Variants in PKDREJ observed in about 807,000 individuals in gnomAD.
PKDREJ encodes the protein polycystin family receptor for egg jelly.
For synonymous variants in PKDREJ, 1,031 were observed against 1,095.5 expected (o/e 0.94, Z 1.16); for missense variants, 2,507 against 2,807.2 (o/e 0.89, Z 2.42).
In PKDREJ at chr22:46,262,754, C is replaced by T. The variant is rs534595985; in HGVS notation, c.569G>A (p.Arg190His). Residue 190 changes from arginine to histidine, a missense_variant, in exon 1 of 1, where the codon CGC becomes CAC. By Grantham distance (29) the Arg-to-His change is conservative (BLOSUM62 0). Transcript: ENST00000253255. The surrounding 1 kb of genome is among the most constrained non-coding windows in gnomAD (Gnocchi z 8.1). ...RTECPTDGPA[R>H]VMLQAVNSSS... is the part of the protein sequence containing the mutation. Reference sequence around the variant, plus strand: ...CGAGTTGACGGCCTGCAACATCACGCGCGCGGGGCCGTCTGTGGGGCACTC... The same window carrying T: ...CGAGTTGACGGCCTGCAACATCACGTGCGCGGGGCCGTCTGTGGGGCACTC... 6.3e-7 allele frequency: 1 copy of T among 1,590,554 alleles called. No homozygotes were observed. The highest frequency in any genetic ancestry group is 2.3e-5 in the East Asian group (1 of 43,076).
At position 46,259,023 on chromosome 22, in the gene PKDREJ, C is replaced by CAATT; in HGVS notation, c.4299_4300insAATT (p.Val1434AsnfsTer43). On this transcript the variant is annotated frameshift_variant, in exon 1 of 1. Coordinates refer to ENST00000253255, the MANE Select transcript of PKDREJ (RefSeq NM_006071.2). LOFTEE classifies it low-confidence loss of function (END_TRUNC). This position sits in a 1 kb window ranked among gnomAD's most constrained non-coding sequence, Gnocchi z 6.8. ...AATTGCACAGGGATTGTAATTAAGA[C>CAATT]ACTTTCAATTCCTATCATCATTGAT... 6.2e-7 allele frequency: 1 copy of CAATT among 1,613,978 alleles called. No homozygotes were observed. The highest frequency in any genetic ancestry group is 1.7e-5 in the Admixed American group (1 of 60,018).
At position 46,260,164 on chromosome 22, in the gene PKDREJ, G is replaced by A. The variant is rs1250065942; in HGVS notation, c.3159C>T (p.Ala1053=). Reference sequence around the variant, plus strand: ...GGGACACAGGGAGGCAGACTACACGGGCCTTCTTCACTGTGCAGGCTGGGT... The same window carrying A: ...GGGACACAGGGAGGCAGACTACACGAGCCTTCTTCACTGTGCAGGCTGGGT... ...LFDPACTVKK[A]RVVCLPVSLL... is the part of the protein sequence containing the mutation. Residue 1053 remains alanine, a synonymous_variant, in exon 1 of 1, where the codon GCC becomes GCT. Coordinates refer to ENST00000253255, the MANE Select transcript of PKDREJ (RefSeq NM_006071.2). This position sits in a 1 kb window ranked among gnomAD's most constrained non-coding sequence, Gnocchi z 4.5. The A allele has an allele frequency of 6.2e-7, 1 of 1,614,044 alleles. No individual in the cohort carries two copies. Among genetic ancestry groups the A allele is most frequent in the Admixed American group, 1.7e-5 (1 of 60,010 alleles).
chr22:46,257,054 C>A lies in PKDREJ; in HGVS notation c.6269G>T (p.Cys2090Phe), dbSNP rs563130958. Reference protein sequence around the residue: ...RAIQAALPGICHMAFVVSVYF... With the variant: ...RAIQAALPGIFHMAFVVSVYF... Reference sequence around the variant, plus strand: ...CACGGACACAACAAATGCCATGTGGCAGATGCCAGGGAGGGCAGCCTGGAT... The same window carrying A: ...CACGGACACAACAAATGCCATGTGGAAGATGCCAGGGAGGGCAGCCTGGAT... Residue 2090 changes from cysteine (C) to phenylalanine (F), a missense_variant, in exon 1 of 1, where the codon TGC (cysteine) becomes TTC (phenylalanine). Coordinates refer to ENST00000253255, the MANE Select transcript of PKDREJ (RefSeq NM_006071.2). This position sits in a 1 kb window ranked among gnomAD's most constrained non-coding sequence, Gnocchi z 4.7. The A allele has an allele frequency of 1.9e-6, 3 of 1,613,882 alleles. No individual in the cohort carries two copies.
Position 46,262,872 on chromosome 22 carries a change from CG to C in PKDREJ, c.450del (p.Gly151AlafsTer41), listed in dbSNP as rs1220788949. Reference sequence around the variant, plus strand: ...GCGGGGGAGGCCGGGCGGGCGGCGCCGGGTCCGAGCAGCCGCAGGCGGAAGG... The same window carrying C: ...GCGGGGGAGGCCGGGCGGGCGGCGCCGGTCCGAGCAGCCGCAGGCGGAAGG... ...AWAFRLRLLGPGAARPASPAA... is the reference protein window; with the variant it reads ...AWAFRLRLLGXGAARPASPAA... On this transcript the variant is annotated frameshift_variant, in exon 1 of 1. Coordinates refer to ENST00000253255, the MANE Select transcript of PKDREJ (RefSeq NM_006071.2). LOFTEE classifies it low-confidence loss of function (END_TRUNC). The surrounding 1 kb of genome is among the most constrained non-coding windows in gnomAD (Gnocchi z 8.1). 5.5e-6 allele frequency: 6 copies of C among 1,098,774 alleles called. No homozygotes were observed. In the Admixed American group the frequency reaches 2.6e-4, roughly 48 times the overall value. The allele number at this position is 1,098,774 out of a possible 1,614,324, so 68.1% of individuals were successfully genotyped here.
chr22:46,258,186 A>T lies in PKDREJ; in HGVS notation c.5137T>A (p.Tyr1713Asn), dbSNP rs1258560050. ...IKRRALLFLS[Y>N]ILTHFIFLAL... ...AGAAAGATAAAGTGAGTTAGAATGTAACTCAGAAACAGGAGTGCTCTTCTC... is the reference window on the plus strand; with the variant it reads ...AGAAAGATAAAGTGAGTTAGAATGTTACTCAGAAACAGGAGTGCTCTTCTC... Residue 1713 changes from tyrosine (Y) to asparagine (N), a missense_variant, in exon 1 of 1, where the codon TAC becomes AAC. Physicochemically the swap from Tyr to Asn is moderately radical, Grantham distance 143 (BLOSUM62 -2). Transcript: ENST00000253255. This position sits in a 1 kb window ranked among gnomAD's most constrained non-coding sequence, Gnocchi z 6.1. The T allele has an allele frequency of 4.3e-6, 7 of 1,614,102 alleles. No individual in the cohort carries two copies. Among genetic ancestry groups the T allele is most frequent in the East Asian group, 2.2e-5 (1 of 44,904 alleles).
Position 46,263,122 on chromosome 22 carries a change from G to T in PKDREJ, c.201C>A (p.Gly67=). The T allele has an allele frequency of 3.2e-6, 4 of 1,238,840 alleles. No homozygotes were observed. Among genetic ancestry groups the T allele is most frequent in the Non-Finnish European group, 4.0e-6 (4 of 990,968 alleles). The allele number at this position is 1,238,840 out of a possible 1,614,324, so 76.7% of individuals were successfully genotyped here. ...TGCCGCGGCCGCTCAGGACAGCGCC[G>T]CCCGCCCGCACCGCGCTGGGCCGCA... The part of the protein sequence containing the change: ...LSLRPSAVRA[G]GAVLSGRGSL... The change falls in exon 1 of 1, where the codon GGC becomes GGA. Residue 67 remains glycine (G), a synonymous_variant. Transcript: ENST00000253255. The surrounding 1 kb of genome is among the most constrained non-coding windows in gnomAD (Gnocchi z 9.4).
rs149292063 is a variant in PKDREJ, at chr22:46,258,258, G to C, written c.5065C>G (p.Leu1689Val). 2 of 1,614,032 alleles carry C rather than the reference G, an allele frequency of 1.2e-6. No individual in the cohort carries two copies. The highest frequency in any genetic ancestry group is 2.7e-5 in the African/African-American group (2 of 74,916). ...AATATTCTGATTTCATCTTCTGTAAGGGGTTGGTACATCCTCGTGCCTCGG... is the reference window on the plus strand; with the variant it reads ...AATATTCTGATTTCATCTTCTGTAACGGGTTGGTACATCCTCGTGCCTCGG... ...RIRGTRMYQPLTEDEIRIFKR... is the reference protein window; with the variant it reads ...RIRGTRMYQPVTEDEIRIFKR... Residue 1689 changes from leucine to valine, a missense_variant, in exon 1 of 1, where the codon CTT becomes GTT. Leu to Val is a conservative substitution (Grantham distance 32). Coordinates refer to ENST00000253255, the MANE Select transcript of PKDREJ (RefSeq NM_006071.2). This position sits in a 1 kb window ranked among gnomAD's most constrained non-coding sequence, Gnocchi z 6.1.
chr22:46,263,174 A>AC lies in PKDREJ; in HGVS notation c.148dup (p.Val50GlyfsTer247). 7.9e-7 allele frequency: 1 copy of AC among 1,264,592 alleles called. No homozygotes were observed. Among genetic ancestry groups the AC allele is most frequent in the Non-Finnish European group, 9.9e-7 (1 of 1,009,170 alleles). 78.3% of individuals were successfully genotyped at this position (1,264,592 alleles called of 1,614,324 possible). A position where few individuals can be genotyped will look rare whatever the true frequency, so the allele number is the denominator to read the frequency against. On this transcript the variant is annotated frameshift_variant, in exon 1 of 1. Coordinates refer to ENST00000253255, the MANE Select transcript of PKDREJ (RefSeq NM_006071.2). LOFTEE classifies it low-confidence loss of function (END_TRUNC). This position sits in a 1 kb window ranked among gnomAD's most constrained non-coding sequence, Gnocchi z 9.4. The stretch of plus-strand genomic sequence containing the variant: ...ACTGAGGAGGGCGCGGCCGCCGCGC[A>AC]CCCCGAGGCCCGGGGCGCCCCTGAG...
chr22:46,261,296 GA>G lies in PKDREJ; in HGVS notation c.2026del (p.Ser676GlnfsTer5). The stretch of plus-strand genomic sequence containing the variant: ...GAGTAACTGATTCAACACTGTCTTT[GA>G]TGAATTTTTGTCAGTGGGAGCCTGT... Reference protein sequence around the residue: ...TAQAPTDKNSSKTVLNQLLSF... With the variant: ...TAQAPTDKNSXKTVLNQLLSF... On this transcript the variant is annotated frameshift_variant, in exon 1 of 1. Coordinates refer to ENST00000253255, the MANE Select transcript of PKDREJ (RefSeq NM_006071.2). LOFTEE classifies it low-confidence loss of function (END_TRUNC). This position sits in a 1 kb window ranked among gnomAD's most constrained non-coding sequence, Gnocchi z 7.1. 1 of 1,614,024 alleles carries G rather than the reference GA, an allele frequency of 6.2e-7. No homozygotes were observed. The highest frequency in any genetic ancestry group is 8.5e-7 in the Non-Finnish European group (1 of 1,180,018).
In PKDREJ at chr22:46,255,829, A is replaced by G. The variant is rs527986703; in HGVS notation, c.*732T>C. On this transcript the variant is annotated 3_prime_UTR_variant, in exon 1 of 1. Transcript: ENST00000253255. ...AGTCCAGCACGCTATTAATAACCAA[A>G]TGCCCAAATCTTAGATGCATATGTT... 6.6e-6 allele frequency: 1 copy of G among 152,218 alleles called. No homozygotes were observed. The highest frequency in any genetic ancestry group is 2.4e-5 in the African/African-American group (1 of 41,452). 9.4% of individuals were successfully genotyped at this position (152,218 alleles called of 1,614,324 possible).
rs776822403 is a variant in PKDREJ, at chr22:46,259,856, G to T, written c.3467C>A (p.Thr1156Asn). Residue 1156 changes from threonine (T) to asparagine (N), a missense_variant, in exon 1 of 1, where the codon ACC (threonine) becomes AAC (asparagine). Thr to Asn is a moderately conservative substitution (Grantham distance 65). Coordinates refer to ENST00000253255, the MANE Select transcript of PKDREJ (RefSeq NM_006071.2). The surrounding 1 kb of genome is among the most constrained non-coding windows in gnomAD (Gnocchi z 6.8). Reference sequence around the variant, plus strand: ...AATCACCTTGGCCATCACATAGTGGGTATGCAGGTGAATGCCCGTGAGTCC... The same window carrying T: ...AATCACCTTGGCCATCACATAGTGGTTATGCAGGTGAATGCCCGTGAGTCC... ...TIGLTGIHLH[T>N]HYVMAKVIVI... The T allele has an allele frequency of 3.7e-6, 6 of 1,613,454 alleles. No homozygotes were observed. The highest frequency in any genetic ancestry group is 5.1e-6 in the Non-Finnish European group (6 of 1,180,016).
rs201250570 is a variant in PKDREJ at position 46,262,823 on chromosome 22, G to A, written c.500C>T (p.Ala167Val). ...SPAARVSPRS[A>V]APGPRPQQGF... ...CTGCTGGGGCCGCGGGCCTGGCGCG[G>A]CGGAGCGCGGGGAGACGCGGGCCGC... Residue 167 changes from alanine (A) to valine (V), a missense_variant, in exon 1 of 1, where the codon GCC (alanine) becomes GTC (valine). By Grantham distance (64) the Ala-to-Val change is moderately conservative. Transcript: ENST00000253255. This position sits in a 1 kb window ranked among gnomAD's most constrained non-coding sequence, Gnocchi z 8.1. The A allele has an allele frequency of 6.2e-3, 7,728 of 1,250,764 alleles. 40 individuals are homozygous for A. The highest frequency in any genetic ancestry group is 7.0e-3 in the Non-Finnish European group (6,930 of 991,410). The allele number at this position is 1,250,764 out of a possible 1,614,324, so 77.5% of individuals were successfully genotyped here. A position where few individuals can be genotyped will look rare whatever the true frequency, so the allele number is the denominator to read the frequency against.
chr22:46,261,708 G>C lies in PKDREJ; in HGVS notation c.1615C>G (p.Leu539Val), dbSNP rs750972648. ...ACTCCACTCCAACATGCTAGATACA[G>C]AGAAATCGAAAACTCAGCTTCCAAA... is the stretch of plus-strand genomic sequence containing the variant. Reference protein sequence around the residue: ...HFLEAEFSISLYLACWSGVTS... With the variant: ...HFLEAEFSISVYLACWSGVTS... The change falls in exon 1 of 1, where the codon CTG becomes GTG. Residue 539 changes from leucine to valine, a missense_variant. Coordinates refer to ENST00000253255, the MANE Select transcript of PKDREJ (RefSeq NM_006071.2). The surrounding 1 kb of genome is among the most constrained non-coding windows in gnomAD (Gnocchi z 7.1). 3.1e-6 allele frequency: 5 copies of C among 1,613,926 alleles called. No homozygotes were observed. Among genetic ancestry groups the C allele is most frequent in the East Asian group, 2.2e-5 (1 of 44,880 alleles).
At position 46,260,226 on chromosome 22, in the gene PKDREJ, C is replaced by G; in HGVS notation, c.3097G>C (p.Asp1033His). 2.5e-6 allele frequency: 4 copies of G among 1,614,146 alleles called. No individual in the cohort carries two copies. Among genetic ancestry groups the G allele is most frequent in the Non-Finnish European group, 3.4e-6 (4 of 1,180,032 alleles). Reference protein sequence around the residue: ...ALVATFLVPHDIPPFASQSAL... With the variant: ...ALVATFLVPHHIPPFASQSAL... ...CTCTGGCTGGCAAATGGAGGGATGT[C>G]ATGAGGCACCAGGAAGGTGGCGACC... is the stretch of plus-strand genomic sequence containing the variant. Residue 1033 changes from aspartate (D) to histidine (H), a missense_variant, in exon 1 of 1, where the codon GAC (aspartate) becomes CAC (histidine). Coordinates refer to ENST00000253255, the MANE Select transcript of PKDREJ (RefSeq NM_006071.2). The surrounding 1 kb of genome is among the most constrained non-coding windows in gnomAD (Gnocchi z 4.5).
chr22:46,259,405 C>T lies in PKDREJ; in HGVS notation c.3918G>A (p.Ser1306=), dbSNP rs758935846. Residue 1306 remains serine (S), a synonymous_variant, in exon 1 of 1, where the codon TCG becomes TCA. Coordinates refer to ENST00000253255, the MANE Select transcript of PKDREJ (RefSeq NM_006071.2). This position sits in a 1 kb window ranked among gnomAD's most constrained non-coding sequence, Gnocchi z 6.8. The part of the protein sequence containing the change: ...IRVWHNNEGR[S]PSWYLSRIKV... ...TGATTCTACTTAAATACCAGCTAGG[C>T]GATCGACCCTCGTTGTTGTGCCACA... The T allele has an allele frequency of 1.8e-5, 29 of 1,614,206 alleles. No individual in the cohort carries two copies. Among genetic ancestry groups the T allele is most frequent in the Middle Eastern group, 1.6e-4 (1 of 6,062 alleles).
rs748517803 is a variant in PKDREJ at position 46,258,985 on chromosome 22, A to C, written c.4338T>G (p.Phe1446Leu). The C allele has an allele frequency of 1.1e-5, 18 of 1,614,070 alleles. No individual in the cohort carries two copies. The African/African-American group carries it at 1.2e-4, about 11-fold the overall frequency. The change falls in exon 1 of 1, where the codon TTT becomes TTG. Residue 1446 changes from phenylalanine to leucine, a missense_variant. Transcript: ENST00000253255. This position sits in a 1 kb window ranked among gnomAD's most constrained non-coding sequence, Gnocchi z 6.1. ...GTTTCCTCTGGGAACAGGTGAACAAAAAAGTTATTAATAATTGCACAGGGA... is the reference window on the plus strand; with the variant it reads ...GTTTCCTCTGGGAACAGGTGAACAACAAAGTTATTAATAATTGCACAGGGA... ...ITIPVQLLIT[F>L]LFTCSQRKPQ... is the part of the protein sequence containing the mutation.
At position 46,258,583 on chromosome 22, in the gene PKDREJ, T is replaced by C. The variant is rs746215453; in HGVS notation, c.4740A>G (p.Ala1580=). The C allele has an allele frequency of 1.2e-6, 2 of 1,614,072 alleles. No individual in the cohort carries two copies. The highest frequency in any genetic ancestry group is 1.7e-6 in the Non-Finnish European group (2 of 1,180,044). Residue 1580 remains alanine (A), a synonymous_variant, in exon 1 of 1, where the codon GCA becomes GCG. Transcript: ENST00000253255. The surrounding 1 kb of genome is among the most constrained non-coding windows in gnomAD (Gnocchi z 6.1). ...TAGAAGTAGCAAAAACCAAAAACCATGCAACATAAACACACCACCAAGGTA... is the reference window on the plus strand; with the variant it reads ...TAGAAGTAGCAAAAACCAAAAACCACGCAACATAAACACACCACCAAGGTA... ...IVLPWWCVYV[A]WFLVFATSSI...
chr22:46,259,672 A>G lies in PKDREJ; in HGVS notation c.3651T>C (p.His1217=). 3.7e-6 allele frequency: 6 copies of G among 1,614,178 alleles called. No homozygotes were observed. The highest frequency in any genetic ancestry group is 2.2e-5 in the East Asian group (1 of 44,886). The change falls in exon 1 of 1, where the codon CAT becomes CAC. Residue 1217 remains histidine (H), a synonymous_variant. Coordinates refer to ENST00000253255, the MANE Select transcript of PKDREJ (RefSeq NM_006071.2). This position sits in a 1 kb window ranked among gnomAD's most constrained non-coding sequence, Gnocchi z 6.8. ...GATCATTATCTGGTAGAACTATCAC[A>G]TGCCCCCGAAGATGCTGGTCCATTT... is the stretch of plus-strand genomic sequence containing the variant. ...RDEMDQHLRG[H]VIVLPDNDPY...
chr22:46,257,129 G>C lies in PKDREJ; in HGVS notation c.6194C>G (p.Thr2065Ser), dbSNP rs773604336. 2 of 1,613,934 alleles carry C rather than the reference G, an allele frequency of 1.2e-6. No homozygotes were observed. The highest frequency in any genetic ancestry group is 1.7e-6 in the Non-Finnish European group (2 of 1,180,030). ...GTAGAAGAATCTGGAATACCTGAGG[G>C]TCTTCAAAATTGTCAGAAATAACAG... ...GFLLFLTILK[T>S]LRYSRFFYDV... Residue 2065 changes from threonine to serine, a missense_variant, in exon 1 of 1, where the codon ACC becomes AGC. Thr to Ser is a moderately conservative substitution (Grantham distance 58). Coordinates refer to ENST00000253255, the MANE Select transcript of PKDREJ (RefSeq NM_006071.2). This position sits in a 1 kb window ranked among gnomAD's most constrained non-coding sequence, Gnocchi z 4.7.
Sources: gnomAD v4.1 joint callset for allele counts on GRCh38, gnomAD v4.1.1 for gene constraint, Gnocchi (gnomAD v3.1) non-coding constraint, MANE v1.5 for transcripts, NCBI Gene and HGNC (gene_info 2026-07-23, HGNC 2026-07-21) for gene names.